Variants in RBMS3 observed in about 807,000 individuals in gnomAD.
RBMS3 encodes RNA-binding motif, single-stranded-interacting protein 3.
Under a neutral mutation model 66.8 loss-of-function variants are expected in RBMS3, and 27 were observed. The ratio of observed to expected loss-of-function variants is 0.40; its 90% CI spans 0.30 to 0.56. RBMS3 has a LOEUF of 0.56. Ranked by LOEUF, RBMS3 falls within the 20% of genes least tolerant of loss-of-function variation. The pLI, the probability that RBMS3 is intolerant of heterozygous loss-of-function variation, is 0.40. For missense variants in RBMS3, 513 were observed against 549.5 expected (o/e 0.93, Z 0.66); for synonymous variants, 188 against 183.0 (o/e 1.03, Z -0.22).
At chr3:29,479,028 T>C (rs1386965312) in intron 2 of RBMS3, among the ~76,000 whole-genome samples, 1 of 152,178 alleles carries the variant, frequency 6.6e-6, no homozygotes, top group Non-Finnish European at 1.5e-5. Flanking sequence ...TCTGAGCTTA[T>C]TCACTATACA....
intron 1 of RBMS3, among the ~76,000 whole-genome samples, chr3:29,353,984 A>G (rs1575599394): frequency 6.6e-6 from 1 of 152,124 alleles, no homozygotes; most frequent in East Asian, 1.9e-4. Flanking sequence ...TTAGATCTGG[A>G]AACTTTGCCA....
At chr3:29,691,867 C>A (rs1014208453) in intron 4 of RBMS3, among the ~76,000 whole-genome samples, 25 of 150,656 alleles carry the variant, frequency 1.7e-4, no homozygotes, top group African/African-American at 6.1e-4. Flanking sequence ...ATGTGCATAG[C>A]TTTCAAATCT....
At chr3:29,729,050 C>T (rs899626528) in intron 4 of RBMS3, among the ~76,000 whole-genome samples, 2 of 151,874 alleles carry the variant, frequency 1.3e-5, no homozygotes, top group African/African-American at 2.4e-5. Flanking sequence ...TTGTTACATA[C>T]GTATACATGT....
At chr3:29,715,264 CA>C (rs1322138956) in intron 4 of RBMS3, among the ~76,000 whole-genome samples, 1 of 152,076 alleles carries the variant, frequency 6.6e-6, no homozygotes, top group African/African-American at 2.4e-5. Flanking sequence ...GGGCATTTCA[CA>C]AATGTCTGTA....
intron 1 of RBMS3, among the ~76,000 whole-genome samples, chr3:29,376,599 C>T (rs186109642): frequency 1.3e-5 from 2 of 152,104 alleles, no homozygotes; most frequent in Admixed American, 6.5e-5. Flanking sequence ...GGTGAAACTT[C>T]GTCTCTACTA....
chr3:29,948,895 T>C (rs1360590482), intron 12 of RBMS3, among the ~76,000 whole-genome samples: 1 of 151,734 alleles, frequency 6.6e-6, no homozygotes, highest in Non-Finnish European at 1.5e-5. Flanking sequence ...AGAACAAAGA[T>C]TCTAACAGAG....
chr3:29,319,786 A>G (rs1317838111), intron 1 of RBMS3, among the ~76,000 whole-genome samples: 1 of 152,034 alleles, frequency 6.6e-6, no homozygotes, highest in African/African-American at 2.4e-5. Flanking sequence ...AGTACTTAGA[A>G]AAGTAATTAA....
intron 3 of RBMS3, among the ~76,000 whole-genome samples, chr3:29,516,226 T>TA (rs2044614699): frequency 6.6e-6 from 1 of 152,208 alleles, no homozygotes; most frequent in African/African-American, 2.4e-5. Flanking sequence ...GATCAGTTTT[T>TA]ACCAATAAAA....
At chr3:29,589,155 A>T (rs1268790713) in intron 4 of RBMS3, among the ~76,000 whole-genome samples, 2 of 152,120 alleles carry the variant, frequency 1.3e-5, no homozygotes, top group African/African-American at 4.8e-5. Context: ...CTGGGGAACC[A>T]TTATGAATAT....
chr3:29,728,728 G>A (rs1162135189), intron 4 of RBMS3, among the ~76,000 whole-genome samples: 1 of 152,146 alleles, frequency 6.6e-6, no homozygotes, highest in African/African-American at 2.4e-5. Flanking sequence ...GAAAGACTAG[G>A]ATGAAATAAA....
chr3:29,793,782 G>A, intron 6 of RBMS3, among the ~76,000 whole-genome samples: 1 of 152,196 alleles, frequency 6.6e-6, no homozygotes, highest in Non-Finnish European at 1.5e-5. Context: ...AGTGTATGTG[G>A]AATCCCGTTT....
At chr3:29,570,952 GGGTT>G (rs35653171) in intron 3 of RBMS3, among the ~76,000 whole-genome samples, 34,765 of 151,778 alleles carry the variant, frequency 0.23, 4,696 homozygotes, top group African/African-American at 0.37. Context: ...CAGTATACAA[GGGTT>G]GGTTCCCTTT....
intron 3 of RBMS3, among the ~76,000 whole-genome samples, chr3:29,570,946 A>G (rs917478428): frequency 2.8e-5 from 4 of 141,472 alleles, no homozygotes; most frequent in Non-Finnish European, 3.0e-5. Flanking sequence ...CTCCAACAGT[A>G]TACAAGGGTT....
At chr3:29,435,869 G>A (rs532329274) in intron 2 of RBMS3, among the ~76,000 whole-genome samples, 2 of 147,638 alleles carry the variant, frequency 1.4e-5, no homozygotes, top group East Asian at 4.1e-4. Context: ...GAGCTACTCA[G>A]GAGGCTGAGG....
intron 3 of RBMS3, among the ~76,000 whole-genome samples, chr3:29,580,482 G>A (rs940993393): frequency 6.6e-6 from 1 of 151,886 alleles, no homozygotes; most frequent in South Asian, 2.1e-4. Flanking sequence ...ATACTATACG[G>A]TATAAAATTA....
At chr3:29,453,736 CATGCTTGCACTAGAGG>C (rs2042086082) in intron 2 of RBMS3, among the ~76,000 whole-genome samples, 4 of 152,282 alleles carry the variant, frequency 2.6e-5, no homozygotes, top group African/African-American at 9.6e-5. Flanking sequence ...CTGGCCAGAG[CATGCTTGCACTAGAGG>C]CTGGCTGGAA....
At chr3:29,721,390 T>G (rs546124074) in intron 4 of RBMS3, among the ~76,000 whole-genome samples, 2 of 152,280 alleles carry the variant, frequency 1.3e-5, no homozygotes, top group South Asian at 4.1e-4. Context: ...AATATGTATT[T>G]TTTTCTTTCC....
chr3:29,468,990 A>G (rs2042632298), intron 2 of RBMS3, among the ~76,000 whole-genome samples: 1 of 152,152 alleles, frequency 6.6e-6, no homozygotes, highest in Non-Finnish European at 1.5e-5. Flanking sequence ...TTATAGAGAA[A>G]TGGTGGGACA....
chr3:29,362,874 C>A (rs942830335), intron 1 of RBMS3, among the ~76,000 whole-genome samples: 3 of 152,182 alleles, frequency 2.0e-5, no homozygotes, highest in African/African-American at 7.2e-5. Flanking sequence ...TTCTTTAGTC[C>A]TTTTGGTAGA....
Sources: gnomAD v4.1 joint callset for allele counts (sites outside exome capture counted in the v4.1 genomes callset) on GRCh38, gnomAD v4.1.1 for gene constraint, MANE v1.5 for transcripts, NCBI Gene and HGNC (gene_info 2026-07-23, HGNC 2026-07-21) for gene names.